Variants in SHROOM4 observed in about 807,000 individuals in gnomAD.
SHROOM4 encodes protein Shroom4.
A neutral mutation model predicts 80.3 loss-of-function variants in SHROOM4; 17 were observed. The observed-to-expected ratio is 0.21, with a 90% confidence interval of 0.14 to 0.32. The LOEUF (loss-of-function observed/expected upper bound fraction) is 0.32. Among genes scored for constraint, SHROOM4 ranks in the 10% least tolerant of loss-of-function variants. The probability of loss-of-function intolerance (pLI) is 1.00; values close to 1 mark genes in which losing one functional copy is unlikely to be tolerated. For missense variants in SHROOM4, 993 were observed against 1,140.3 expected (o/e 0.87, Z 1.86); for synonymous variants, 400 against 437.5 (o/e 0.91, Z 1.07).
At position 50,608,066 on chromosome X, in the gene SHROOM4, C is replaced by T; in HGVS notation, c.3076G>A (p.Asp1026Asn). 8.3e-7 allele frequency: 1 copy of T among 1,211,422 alleles called. No homozygotes were observed. The highest frequency in any genetic ancestry group is 1.1e-6 in the Non-Finnish European group (1 of 895,420). The change falls in exon 6 of 9, where the codon GAC becomes AAC. Residue 1026 changes from aspartate to asparagine, a missense_variant. Coordinates refer to ENST00000376020, the MANE Select transcript of SHROOM4 (RefSeq NM_020717.5). ...RAISSLDLLG[D>N]FKHALKKSEE... ...GATTTTTTCAAAGCATGTTTGAAGT[C>T]TCCAAGGAGGTCAAGAGAAGAAATT... is the stretch of plus-strand genomic sequence containing the variant.
chrX:50,638,597 G>A (rs1557256638), intron 2 of SHROOM4, among the ~76,000 whole-genome samples: 1 of 112,337 alleles, frequency 8.9e-6, no homozygotes, highest in Non-Finnish European at 1.9e-5. Flanking sequence ...TGGAATAAAT[G>A]AGTGCTGCTG....
chrX:50,739,194 A>C (rs1195788014), intron 1 of SHROOM4, among the ~76,000 whole-genome samples: 4 of 111,110 alleles, frequency 3.6e-5, no homozygotes, highest in African/African-American at 1.3e-4. Flanking sequence ...GATGGATTAA[A>C]GACTTACATG....
At chrX:50,643,755 G>C (rs1260202650) in intron 2 of SHROOM4, 3 of 111,845 alleles carry the variant, frequency 2.7e-5, no homozygotes, top group Non-Finnish European at 3.8e-5. Context: ...CCACCCCCTC[G>C]GCAGCTCAGA....
chrX:50,616,519 G>T (rs937758857), intron 5 of SHROOM4, among the ~76,000 whole-genome samples: 7 of 111,823 alleles, frequency 6.3e-5, no homozygotes, highest in African/African-American at 1.9e-4. Flanking sequence ...GAGGGTACAT[G>T]CTTAAAAAAT....
chrX:50,740,180 T>C lies in SHROOM4; in HGVS notation c.118-44243A>G, dbSNP rs1249038131. Among the ~76,000 whole-genome samples the C allele has an allele frequency of 6.0e-5, 5 of 83,522 alleles. No individual in the cohort carries two copies. In the East Asian group the frequency reaches 1.6e-3, roughly 26 times the overall value. 72.5% of individuals were successfully genotyped at this position (83,522 alleles called of 115,157 possible). On this transcript the variant is annotated intron_variant, in intron 1 of 8. Transcript: ENST00000376020. ...GGGAACATCACACACTGGGGACTGTTGTGGGGTCGGGGGAGAGGGGAGGGA... is the reference window on the plus strand; with the variant it reads ...GGGAACATCACACACTGGGGACTGTCGTGGGGTCGGGGGAGAGGGGAGGGA...
At position 50,587,337 on chromosome X, in the gene SHROOM4, A is replaced by T. The variant is rs1211225487; in HGVS notation, c.*9358T>A. Among the ~76,000 whole-genome samples, 1 of 112,162 alleles carries T rather than the reference A, an allele frequency of 8.9e-6. No homozygotes were observed. Among genetic ancestry groups the T allele is most frequent in the Non-Finnish European group, 1.9e-5 (1 of 53,186 alleles). On this transcript the variant is annotated 3_prime_UTR_variant, in exon 9 of 9. Transcript: ENST00000376020. Reference sequence around the variant, plus strand: ...TTGGAAAATAGTGTATATTCCTCAAAATATTAAGAATACGATGACCATATG... The same window carrying T: ...TTGGAAAATAGTGTATATTCCTCAATATATTAAGAATACGATGACCATATG...
intron 1 of SHROOM4, among the ~76,000 whole-genome samples, chrX:50,716,947 T>C (rs966890026): frequency 1.8e-5 from 2 of 112,637 alleles, no homozygotes; most frequent in Non-Finnish European, 3.8e-5. Context: ...CCTAATTGTT[T>C]AAGCCAGTTA....
chrX:50,669,627 C>G (rs1932772686), intron 2 of SHROOM4, among the ~76,000 whole-genome samples: 1 of 111,837 alleles, frequency 8.9e-6, no homozygotes, highest in Non-Finnish European at 1.9e-5. Flanking sequence ...TGGAGTCAAT[C>G]CTCTCAAACC....
intron 1 of SHROOM4, among the ~76,000 whole-genome samples, chrX:50,699,693 T>C (rs1021862931): frequency 1.8e-5 from 2 of 111,702 alleles, no homozygotes; most frequent in Admixed American, 9.5e-5. Flanking sequence ...AGCTAGCAAT[T>C]TGGAAATTTT....
At chrX:50,675,557 A>C (rs1330063978) in intron 2 of SHROOM4, among the ~76,000 whole-genome samples, 1 of 111,037 alleles carries the variant, frequency 9.0e-6, no homozygotes, top group Non-Finnish European at 1.9e-5. Context: ...GAAAGTATTA[A>C]AACATATTGA....
intron 2 of SHROOM4, among the ~76,000 whole-genome samples, chrX:50,638,976 C>T (rs1023414527): frequency 2.1e-4 from 24 of 112,500 alleles, no homozygotes; most frequent in African/African-American, 7.7e-4. Context: ...AAACTGGTGG[C>T]AGGAAGCCCC....
At chrX:50,718,582 A>G (rs1934028187) in intron 1 of SHROOM4, among the ~76,000 whole-genome samples, 1 of 111,359 alleles carries the variant, frequency 9.0e-6, no homozygotes, top group African/African-American at 3.3e-5. Context: ...CCCTGCTTCT[A>G]TGTCATGTGA....
intron 5 of SHROOM4, among the ~76,000 whole-genome samples, chrX:50,625,018 T>G (rs1419691571): frequency 1.8e-5 from 2 of 111,985 alleles, no homozygotes; most frequent in East Asian, 5.6e-4. Context: ...AAGAAAATTT[T>G]CAATGGTGAC....
chrX:50,711,042 C>A (rs1933799443), intron 1 of SHROOM4, among the ~76,000 whole-genome samples: 1 of 112,041 alleles, frequency 8.9e-6, no homozygotes, highest in Admixed American at 9.5e-5. Flanking sequence ...CTGTAAAGAA[C>A]CACCACTTAA....
At chrX:50,582,003 C>CAG (rs1928676143), downstream of SHROOM4, among the ~76,000 whole-genome samples, 1 of 111,853 alleles carries the variant, frequency 8.9e-6, no homozygotes, top group Non-Finnish European at 1.9e-5. Flanking sequence ...TCCTGGTGTT[C>CAG]ACACCCCTGT....
chrX:50,577,757 G>C, the SHROOM4 span, among the ~76,000 whole-genome samples: 1 of 111,593 alleles, frequency 9.0e-6, no homozygotes, highest in Admixed American at 9.5e-5. Context: ...GTGTATCAGA[G>C]TATATCAGGG....
At position 50,634,347 on chromosome X, in the gene SHROOM4, C is replaced by T. The variant is rs1931226406; in HGVS notation, c.1726G>A (p.Gly576Ser). The T allele has an allele frequency of 8.3e-7, 1 of 1,211,144 alleles. No homozygotes were observed. Among genetic ancestry groups the T allele is most frequent in the South Asian group, 1.8e-5 (1 of 56,868 alleles). ...MGGRRSGGTR[G>S]RSIQNRRKSE... ...TTCCGCCGGTTTTGGATCGAGCGGC[C>T]CCGGGTCCCTCCACTTCGCCTACCA... The change falls in exon 4 of 9, where the codon GGC (glycine) becomes AGC (serine). Residue 576 changes from glycine to serine, a missense_variant. Coordinates refer to ENST00000376020, the MANE Select transcript of SHROOM4 (RefSeq NM_020717.5).
chrX:50,643,453 G>A (rs1931692627), intron 2 of SHROOM4: 1 of 111,174 alleles, frequency 9.0e-6, no homozygotes, highest in African/African-American at 3.3e-5. Context: ...TGGGGCGAGG[G>A]ACCATCAGCC....
rs781823520 is a variant in SHROOM4, at chrX:50,799,507, A to C, written c.117+14395T>G. 3.6e-5 allele frequency among the ~76,000 whole-genome samples: 4 copies of C among 111,710 alleles called. No individual in the cohort carries two copies. In the South Asian group the frequency reaches 1.6e-3, roughly 44 times the overall value. ...ATTAGACCCCATTTGGAAGGAAGAC[A>C]GAGTGAGTTCCCTTTGGCCCTTCTC... is the stretch of plus-strand genomic sequence containing the variant. On this transcript the variant is annotated intron_variant, in intron 1 of 8. Transcript: ENST00000376020.
Sources: gnomAD v4.1 joint callset for allele counts (sites outside exome capture counted in the v4.1 genomes callset) on GRCh38, gnomAD v4.1.1 for gene constraint, MANE v1.5 for transcripts, NCBI Gene and HGNC (gene_info 2026-07-23, HGNC 2026-07-21) for gene names.